Variants in ADAM18 observed in about 807,000 individuals in gnomAD.
ADAM18 encodes ADAM metallopeptidase domain 18.
ADAM18 carries 117 observed loss-of-function variants against 94.4 expected under a neutral mutation model. The ratio of observed to expected loss-of-function variants is 1.24; its 90% CI spans 1.07 to 1.45. The LOEUF is 1.45. ADAM18 is among the 40% of genes most tolerant of loss of function. The probability of loss-of-function intolerance (pLI) is 0.00; values close to 1 mark genes in which losing one functional copy is unlikely to be tolerated. For synonymous variants in ADAM18, 327 were observed against 291.6 expected (o/e 1.12, Z -1.24); for missense variants, 936 against 880.0 (o/e 1.06, Z -0.81).
chr8:39,705,348 CA>C, intron 17 of ADAM18, among the ~76,000 whole-genome samples: 1 of 152,040 alleles, frequency 6.6e-6, no homozygotes, highest in Admixed American at 6.6e-5. Flanking sequence ...TTAAAGTTAG[CA>C]AAATAAAATA....
At chr8:39,630,246 T>G (rs1345560694) in intron 7 of ADAM18, among the ~76,000 whole-genome samples, 1 of 151,700 alleles carries the variant, frequency 6.6e-6, no homozygotes, top group Non-Finnish European at 1.5e-5. Flanking sequence ...CTATTATATA[T>G]TTACTAAATG....
chr8:39,723,271 A>G (rs1361645781), intron 18 of ADAM18, among the ~76,000 whole-genome samples: 1 of 151,578 alleles, frequency 6.6e-6, no homozygotes, highest in Non-Finnish European at 1.5e-5. Context: ...GTATAGATAT[A>G]TAGATATAGA....
intron 3 of ADAM18, among the ~76,000 whole-genome samples, chr8:39,607,973 A>G (rs558715810): frequency 6.6e-6 from 1 of 152,146 alleles, no homozygotes; most frequent in South Asian, 2.1e-4. Context: ...TTGATAACCA[A>G]GTATTTACTA....
chr8:39,631,251 GT>G lies in ADAM18; in HGVS notation c.588+1817del, dbSNP rs149270912. Among the ~76,000 whole-genome samples, 875 of 151,664 alleles carry G rather than the reference GT, an allele frequency of 5.8e-3. 7 individuals carry two copies. The highest frequency in any genetic ancestry group is 0.02 in the African/African-American group (840 of 41,422). ...ATTTATGTTTTCTTAATTTCCTTTT[GT>G]TTTTAAGAAATATTTTCTTATTCCA... On this transcript the variant is annotated intron_variant, in intron 7 of 19. Coordinates refer to ENST00000265707, the MANE Select transcript of ADAM18 (RefSeq NM_014237.3).
At chr8:39,672,547 A>G (rs1272557605) in intron 14 of ADAM18, among the ~76,000 whole-genome samples, 2 of 152,190 alleles carry the variant, frequency 1.3e-5, no homozygotes, top group Non-Finnish European at 2.9e-5. Context: ...ATTAAAGGAA[A>G]TGTATAAAAA....
At chr8:39,663,442 GA>G (rs1206796468) in intron 12 of ADAM18, among the ~76,000 whole-genome samples, 7 of 117,288 alleles carry the variant, frequency 6.0e-5, no homozygotes, top group Admixed American at 5.2e-4. Context: ...AAAAAAAAAA[GA>G]AAAAAAATAT....
intron 18 of ADAM18, 55 bp from the exon 19 acceptor site, chr8:39,723,693 A>G: frequency 1.6e-6 from 2 of 1,239,452 alleles, no homozygotes; most frequent in Non-Finnish European, 2.1e-6. Flanking sequence ...AAAAATATAA[A>G]TTTATTTAAA....
chr8:39,637,025 A>ATATT (rs1308495210), intron 7 of ADAM18, among the ~76,000 whole-genome samples: 1 of 81,934 alleles, frequency 1.2e-5, no homozygotes, highest in Non-Finnish European at 2.4e-5. Context: ...TATTTTATAT[A>ATATT]TATATATATA....
chr8:39,614,143 A>G (rs1403581117), intron 6 of ADAM18, among the ~76,000 whole-genome samples: 1 of 152,210 alleles, frequency 6.6e-6, no homozygotes, highest in Non-Finnish European at 1.5e-5. Flanking sequence ...GGAAAATGCT[A>G]TACGAGACAA....
chr8:39,664,144 G>A (rs1458474168), intron 13 of ADAM18, among the ~76,000 whole-genome samples: 2 of 152,162 alleles, frequency 1.3e-5, no homozygotes, highest in Non-Finnish European at 2.9e-5. Flanking sequence ...CATGAATTAG[G>A]TGCATTAGCA....
intron 8 of ADAM18, 83 bp downstream of exon 8, chr8:39,637,418 T>A: frequency 7.0e-7 from 1 of 1,428,606 alleles, no homozygotes; most frequent in Non-Finnish European, 9.6e-7. Context: ...AATGAATAAC[T>A]TAAATACTTT....
intron 10 of ADAM18, among the ~76,000 whole-genome samples, chr8:39,643,109 C>G (rs1481347388): frequency 6.6e-6 from 1 of 151,992 alleles, no homozygotes; most frequent in Non-Finnish European, 1.5e-5. Flanking sequence ...TATAGGAATA[C>G]CAGTGATTTT....
intron 18 of ADAM18, among the ~76,000 whole-genome samples, chr8:39,714,821 T>C (rs1233729115): frequency 3.9e-5 from 6 of 152,120 alleles, no homozygotes; most frequent in African/African-American, 1.4e-4. Context: ...TTCTCATCAA[T>C]ATTATAATGA....
chr8:39,631,733 A>G (rs79371459), intron 7 of ADAM18, among the ~76,000 whole-genome samples: 4,736 of 152,144 alleles, frequency 0.031, 267 homozygotes, highest in African/African-American at 0.11. Flanking sequence ...TTGGAATTAC[A>G]TTGAATGGTT....
chr8:39,724,007 T>C (rs1822834024), intron 19 of ADAM18, 100 bp downstream of exon 19: 3 of 778,200 alleles, frequency 3.9e-6, no homozygotes, highest in Non-Finnish European at 3.6e-6. Flanking sequence ...TTCTTAAATA[T>C]ACTATTTTAA....
intron 2 of ADAM18, among the ~76,000 whole-genome samples, chr8:39,595,487 A>G (rs1463197304): frequency 1.3e-5 from 2 of 151,944 alleles, no homozygotes; most frequent in Non-Finnish European, 2.9e-5. Flanking sequence ...TTAAATATGT[A>G]TTTATTTGTT....
intron 2 of ADAM18, among the ~76,000 whole-genome samples, chr8:39,588,865 G>C (rs919316127): frequency 3.3e-5 from 5 of 152,114 alleles, no homozygotes; most frequent in Non-Finnish European, 5.9e-5. Context: ...GGGAATTTGG[G>C]GGAAGTTTTA....
At chr8:39,708,949 T>C (rs968567895) in intron 18 of ADAM18, among the ~76,000 whole-genome samples, 1 of 152,242 alleles carries the variant, frequency 6.6e-6, no homozygotes, top group Non-Finnish European at 1.5e-5. Flanking sequence ...AGAGGGCATG[T>C]TACAGTGCTC....
At chr8:39,669,824 A>G (rs1281811996) in intron 14 of ADAM18, among the ~76,000 whole-genome samples, 4 of 152,184 alleles carry the variant, frequency 2.6e-5, no homozygotes, top group African/African-American at 9.7e-5. Context: ...CTTTGGGTAT[A>G]TACCCAGTAA....
Sources: gnomAD v4.1 joint callset for allele counts (sites outside exome capture counted in the v4.1 genomes callset) on GRCh38, gnomAD v4.1.1 for gene constraint, MANE v1.5 for transcripts, NCBI Gene and HGNC (gene_info 2026-07-23, HGNC 2026-07-21) for gene names.